PARP9: variants seen among roughly 807,000 people sequenced by gnomAD.
PARP9 encodes the protein poly(ADP-ribose) polymerase family member 9, also known as protein mono-ADP-ribosyltransferase PARP9.
In PARP9, 48 loss-of-function variants were observed where a neutral mutation model predicts 68.8. That is an observed-to-expected ratio of 0.70 (90% confidence interval 0.55 to 0.89). PARP9 has a LOEUF of 0.89. Ranked by LOEUF, PARP9 falls within the 40% of genes least tolerant of loss-of-function variation. The pLI, the probability that PARP9 is intolerant of heterozygous loss-of-function variation, is 0.00. For missense variants in PARP9, 806 were observed against 969.3 expected (o/e 0.83, Z 2.24); for synonymous variants, 309 against 333.8 (o/e 0.93, Z 0.81).
intron 8 of PARP9, among the ~76,000 whole-genome samples, chr3:122,537,825 T>TTCCTTCCTTCCTTCC (rs1204147111): frequency 6.6e-6 from 1 of 152,032 alleles, no homozygotes; most frequent in Non-Finnish European, 1.5e-5. Flanking sequence ...ACTTCCTTCT[T>TTCCTTCCTTCCTTCC]TCCTTCCTTC....
At chr3:122,529,766 A>G (rs1412219434) in intron 10 of PARP9, among the ~76,000 whole-genome samples, 4 of 151,894 alleles carry the variant, frequency 2.6e-5, no homozygotes, top group Admixed American at 6.6e-5. Flanking sequence ...AAAAAAAAAA[A>G]AAAAAGAACA....
chr3:122,541,996 A>T (rs756444494), intron 7 of PARP9, among the ~76,000 whole-genome samples: 1 of 152,216 alleles, frequency 6.6e-6, no homozygotes, highest in Non-Finnish European at 1.5e-5. Context: ...CTGAGTAAAG[A>T]TAAAAAAGAC....
chr3:122,559,974 T>G (rs570962094), intron 1 of PARP9, among the ~76,000 whole-genome samples: 11 of 151,896 alleles, frequency 7.2e-5, no homozygotes, highest in Non-Finnish European at 1.5e-4. Flanking sequence ...TATGGAGGAG[T>G]TGAGACTAGA....
At chr3:122,558,339 G>A (rs752408182) in intron 3 of PARP9, 95 bp downstream of exon 3, 1 of 1,614,096 alleles carries the variant, frequency 6.2e-7, no homozygotes, top group Non-Finnish European at 8.5e-7. Context: ...CTGAGCACTT[G>A]TAGGGGAGAC....
chr3:122,547,916 A>G (rs887490213), intron 6 of PARP9, among the ~76,000 whole-genome samples: 3 of 152,212 alleles, frequency 2.0e-5, no homozygotes, highest in African/African-American at 7.2e-5. Flanking sequence ...ATCTGGGCTT[A>G]GAGATAATCC....
At chr3:122,531,412 G>A (rs561203199) in intron 10 of PARP9, among the ~76,000 whole-genome samples, 1 of 152,108 alleles carries the variant, frequency 6.6e-6, no homozygotes, top group African/African-American at 2.4e-5. Flanking sequence ...TATTAAGGGC[G>A]AAAAGGATAA....
intron 6 of PARP9, 80 bp from the exon 7 acceptor site, chr3:122,545,569 C>G (rs1206608044): frequency 1.2e-5 from 15 of 1,302,310 alleles, no homozygotes; most frequent in Non-Finnish European, 1.7e-5. Flanking sequence ...TCTGCACACA[C>G]AGCACTTGAC....
chr3:122,552,258 C>G (rs1410863951), intron 5 of PARP9, among the ~76,000 whole-genome samples, 160 bp downstream of exon 5: 1 of 152,064 alleles, frequency 6.6e-6, no homozygotes, highest in African/African-American at 2.4e-5. Context: ...GCAACTGTAC[C>G]TGTTCAGTAT....
chr3:122,545,516 G>A lies in PARP9; in HGVS notation c.1327-27C>T. On this transcript the variant is annotated intron_variant, in intron 6 of 10. Coordinates refer to ENST00000682323, the MANE Select transcript of PARP9 (RefSeq NM_001146105.2). ...TACAAGAAGCAAAACAGAGCAGAGA[G>A]TCATAAGCAGGGCTGATAGCCATTG... The A allele has an allele frequency of 2.5e-6, 4 of 1,612,382 alleles. No homozygotes were observed. In the South Asian group the frequency reaches 4.4e-5, roughly 18 times the overall value.
rs184951093 is a variant in PARP9 at position 122,528,771 on chromosome 3, G to C, written c.2081-28C>G. On this transcript the variant is annotated intron_variant, in intron 10 of 10. Coordinates refer to ENST00000682323, the MANE Select transcript of PARP9 (RefSeq NM_001146105.2). Reference sequence around the variant, plus strand: ...GATAAAGGAAAAAATAAAATAAAAAGATTATTATAATCTGGTAAATGATAT... The same window carrying C: ...GATAAAGGAAAAAATAAAATAAAAACATTATTATAATCTGGTAAATGATAT... 5.3e-6 allele frequency: 8 copies of C among 1,511,914 alleles called. No homozygotes were observed. The Admixed American group carries it at 1.7e-4, about 33-fold the overall frequency. The allele number at this position is 1,511,914 out of a possible 1,614,324, so 93.7% of individuals were successfully genotyped here. A position where few individuals can be genotyped will look rare whatever the true frequency, so the allele number is the denominator to read the frequency against.
rs761760031 is a variant in PARP9, at chr3:122,552,503, T to G, written c.1022A>C (p.Gln341Pro). ...AAATCCTTTTGTGACCAGTACCAAC[T>G]GGGACCGTTGAAACTGTTTAGCCTT... ...ATKAKQFQRS[Q>P]LVLVTKGFNL... Residue 341 changes from glutamine (Q) to proline (P), a missense_variant, in exon 5 of 11, where the codon CAG becomes CCG. Physicochemically the swap from Gln to Pro is moderately conservative, Grantham distance 76 (BLOSUM62 -1). Transcript: ENST00000682323. 1.9e-6 allele frequency: 3 copies of G among 1,614,138 alleles called. No homozygotes were observed. Among genetic ancestry groups the G allele is most frequent in the Non-Finnish European group, 2.5e-6 (3 of 1,179,996 alleles).
upstream of PARP9, chr3:122,564,351 C>A (rs1312060810): frequency 2.0e-6 from 3 of 1,476,932 alleles, no homozygotes; most frequent in Non-Finnish European, 2.7e-6. Context: ...ACTTTGCGCC[C>A]AGTCCGCAGG....
At chr3:122,550,058 A>G (rs1234913339) in intron 6 of PARP9, among the ~76,000 whole-genome samples, 1 of 152,100 alleles carries the variant, frequency 6.6e-6, no homozygotes, top group Non-Finnish European at 1.5e-5. Context: ...GTGGGTAAAC[A>G]TGGCTTCTTT....
chr3:122,531,107 G>A (rs2077275677), intron 10 of PARP9, among the ~76,000 whole-genome samples: 1 of 152,166 alleles, frequency 6.6e-6, no homozygotes, highest in Non-Finnish European at 1.5e-5. Flanking sequence ...AATCCGGTGT[G>A]TATTTTATAC....
intron 8 of PARP9, among the ~76,000 whole-genome samples, chr3:122,538,519 G>A (rs979978536): frequency 2.3e-4 from 35 of 152,070 alleles, no homozygotes; most frequent in African/African-American, 8.2e-4. Context: ...AACCTCTAAG[G>A]CTTCTATGGA....
intron 4 of PARP9, 32 bp from the exon 5 acceptor site, chr3:122,552,671 T>G: frequency 6.7e-7 from 1 of 1,481,964 alleles, no homozygotes; most frequent in Non-Finnish European, 9.4e-7. Flanking sequence ...GGATTCATTG[T>G]TAAATTCCTT....
At chr3:122,530,937 C>T (rs1222167921) in intron 10 of PARP9, among the ~76,000 whole-genome samples, 1 of 152,182 alleles carries the variant, frequency 6.6e-6, no homozygotes, top group East Asian at 1.9e-4. Flanking sequence ...GTGCCACTCA[C>T]CTGGATTCCC....
At position 122,550,587 on chromosome 3, in the gene PARP9, A is replaced by G. The variant is rs1264513475; in HGVS notation, c.1323T>C (p.Tyr441=). 1.9e-6 allele frequency: 3 copies of G among 1,598,398 alleles called. No homozygotes were observed. The highest frequency in any genetic ancestry group is 1.7e-6 in the Non-Finnish European group (2 of 1,167,404). The change falls in exon 6 of 11, where the codon TAT becomes TAC. Residue 441 remains tyrosine, a synonymous_variant. Coordinates refer to ENST00000682323, the MANE Select transcript of PARP9 (RefSeq NM_001146105.2). The part of the protein sequence containing the change: ...FVIFPTDLEI[Y]KAFSSEMAKR... The stretch of plus-strand genomic sequence containing the variant: ...CATTTCTAAGATATTAACTTACCTT[A>G]TATATCTCCAAATCTGTTGGAAAGA...
chr3:122,558,321 T>G, intron 3 of PARP9, 113 bp downstream of exon 3: 1 of 1,613,700 alleles, frequency 6.2e-7, no homozygotes, highest in Non-Finnish European at 8.5e-7. Flanking sequence ...GGGTCTGCAG[T>G]CACGCACCTG....
Sources: gnomAD v4.1 joint callset for allele counts (sites outside exome capture counted in the v4.1 genomes callset) on GRCh38, gnomAD v4.1.1 for gene constraint, MANE v1.5 for transcripts, NCBI Gene and HGNC (gene_info 2026-07-23, HGNC 2026-07-21) for gene names.